Variants in RAB22A observed in about 807,000 individuals in gnomAD.
The protein encoded by RAB22A is ras-related protein Rab-22A.
RAB22A carries 13 observed loss-of-function variants against 30.2 expected under a neutral mutation model. That is an observed-to-expected ratio of 0.43 (90% CI 0.28 to 0.68). RAB22A has a LOEUF of 0.68. RAB22A is among the 30% of genes least tolerant of loss of function. The probability of loss-of-function intolerance (pLI) is 0.18; values close to 1 mark genes in which losing one functional copy is unlikely to be tolerated. For synonymous variants in RAB22A, 89 were observed against 87.2 expected (o/e 1.02, Z -0.11); for missense variants, 177 against 246.8 (o/e 0.72, Z 1.89).
chr20:58,327,223 G>C (rs923153544), intron 2 of RAB22A, among the ~76,000 whole-genome samples: 6 of 152,066 alleles, frequency 3.9e-5, no homozygotes, highest in African/African-American at 1.4e-4. Context: ...TAATATGGTG[G>C]GTTACAGTAT....
chr20:58,364,242 T>G lies in RAB22A; in HGVS notation c.*4539T>G, dbSNP rs1416541950. ...AAGAATCTTCATCTATCTCTGTTGG[T>G]CTTTCAGGATTCTCTTAGCATATAG... On this transcript the variant is annotated 3_prime_UTR_variant, in exon 7 of 7. Coordinates refer to ENST00000244040, the MANE Select transcript of RAB22A (RefSeq NM_020673.3). 6.6e-6 allele frequency: 1 copy of G among 152,396 alleles called. No individual in the cohort carries two copies. The highest frequency in any genetic ancestry group is 2.4e-5 in the African/African-American group (1 of 41,462). 9.4% of individuals were successfully genotyped at this position (152,396 alleles called of 1,614,324 possible).
intron 3 of RAB22A, chr20:58,345,291 T>C (rs1600737391): frequency 6.6e-6 from 1 of 152,130 alleles, no homozygotes; most frequent in East Asian, 1.9e-4. Context: ...CATCTCTTTT[T>C]TTCTGGAACA....
At chr20:58,328,818 C>T (rs888403631) in intron 2 of RAB22A, among the ~76,000 whole-genome samples, 1 of 151,894 alleles carries the variant, frequency 6.6e-6, no homozygotes, top group African/African-American at 2.4e-5. Flanking sequence ...AACTCTTGGG[C>T]TAAATAATTG....
rs565390256 is a variant in RAB22A at position 58,330,008 on chromosome 20, T to C, written c.117-13710T>C. Among the ~76,000 whole-genome samples the C allele has an allele frequency of 4.1e-4, 62 of 152,332 alleles. 1 individual carries two copies. The highest frequency in any genetic ancestry group is 1.3e-3 in the African/African-American group (56 of 41,578). On this transcript the variant is annotated intron_variant, in intron 2 of 6. Transcript: ENST00000244040. ...AAACATATATACAGACTTTTTTTTC[T>C]TGTCATTATTCCCTAAATGATAAAG...
intron 2 of RAB22A, among the ~76,000 whole-genome samples, chr20:58,320,312 A>C (rs1391872560): frequency 2.0e-5 from 3 of 152,154 alleles, no homozygotes; most frequent in African/African-American, 7.2e-5. Flanking sequence ...TTTCTTCTTG[A>C]GTAAGTTGGT....
At position 58,309,877 on chromosome 20, in the gene RAB22A, C is replaced by A. The variant is rs1224281150; in HGVS notation, c.-100C>A. ...CGCCTCTGCGCGGACCGGGGCTGGG[C>A]CGTGCGGCGGCAGCGGCGCCAGGGG... On this transcript the variant is annotated 5_prime_UTR_variant, in exon 1 of 7. Transcript: ENST00000244040. The A allele has an allele frequency of 2.6e-6, 3 of 1,151,556 alleles. No homozygotes were observed. Among genetic ancestry groups the A allele is most frequent in the Admixed American group, 4.3e-5 (1 of 23,432 alleles). 71.3% of individuals were successfully genotyped at this position (1,151,556 alleles called of 1,614,324 possible).
Position 58,362,478 on chromosome 20 carries a change from ACT to A in RAB22A, c.*2779_*2780del, listed in dbSNP as rs1191431470. 6.6e-6 allele frequency: 1 copy of A among 152,134 alleles called. No homozygotes were observed. Among genetic ancestry groups the A allele is most frequent in the Non-Finnish European group, 1.5e-5 (1 of 68,026 alleles). The allele number at this position is 152,134 out of a possible 1,614,324, so 9.4% of individuals were successfully genotyped here. Reference sequence around the variant, plus strand: ...TACGATACAGGGCCATTTTTTTAAAACTCTCAGGACTGAACAGAAGAGAAAAA... The same window carrying A: ...TACGATACAGGGCCATTTTTTTAAAACTCAGGACTGAACAGAAGAGAAAAA... On this transcript the variant is annotated 3_prime_UTR_variant, in exon 7 of 7. Transcript: ENST00000244040.
Position 58,354,234 on chromosome 20 carries a change from G to A in RAB22A, c.456G>A (p.Ala152=), listed in dbSNP as rs377712985. Residue 152 remains alanine (A), a synonymous_variant, in exon 6 of 7, where the codon GCG becomes GCA. Transcript: ENST00000244040. Reference sequence around the variant, plus strand: ...TTGTAGAGACCAGCGCAAAAAACGCGATAAACATAAATGAACTCTTTATAG... The same window carrying A: ...TTGTAGAGACCAGCGCAAAAAACGCAATAAACATAAATGAACTCTTTATAG... ...AIFVETSAKN[A]ININELFIEI... 6.1e-5 allele frequency: 99 copies of A among 1,613,440 alleles called. 2 individuals are homozygous for A. Among genetic ancestry groups the A allele is most frequent in the South Asian group, 3.1e-4 (28 of 91,044 alleles).
rs145295271 is a variant in RAB22A, at chr20:58,321,142, G to A, written c.116+10020G>A. 3.7e-3 allele frequency among the ~76,000 whole-genome samples: 551 copies of A among 150,566 alleles called. 4 individuals are homozygous for A. Among genetic ancestry groups the A allele is most frequent in the African/African-American group, 0.013 (530 of 40,862 alleles). On this transcript the variant is annotated intron_variant, in intron 2 of 6. Transcript: ENST00000244040. ...GAGGCGGAGGTTGCAGTGAGCCCGA[G>A]ACTGCGCCACTGCCCTCCAGCCTGG...
In RAB22A at chr20:58,359,969, G is replaced by A. The variant is rs775445995; in HGVS notation, c.*266G>A. On this transcript the variant is annotated 3_prime_UTR_variant, in exon 7 of 7. Coordinates refer to ENST00000244040, the MANE Select transcript of RAB22A (RefSeq NM_020673.3). ...CCTTGCTGAAAAGGAACATATAATT[G>A]TATGGATGGTAGGATTAAGTTGTTG... 1.5e-5 allele frequency: 3 copies of A among 200,620 alleles called. No homozygotes were observed. Among genetic ancestry groups the A allele is most frequent in the African/African-American group, 6.9e-5 (3 of 43,206 alleles). The allele number at this position is 200,620 out of a possible 1,614,324, so 12.4% of individuals were successfully genotyped here.
intron 2 of RAB22A, among the ~76,000 whole-genome samples, chr20:58,322,347 A>C (rs2122932291): frequency 6.6e-6 from 1 of 152,302 alleles, no homozygotes; most frequent in South Asian, 2.1e-4. Flanking sequence ...CTGCCTTTTA[A>C]TTATTTAGAC....
rs555545384 is a variant in RAB22A, at chr20:58,354,331, G to A, written c.487+66G>A. 1.7e-5 allele frequency: 19 copies of A among 1,119,164 alleles called. No individual in the cohort carries two copies. The African/African-American group carries it at 2.5e-4, about 15-fold the overall frequency. 69.3% of individuals were successfully genotyped at this position (1,119,164 alleles called of 1,614,324 possible). On this transcript the variant is annotated intron_variant, in intron 6 of 6. Transcript: ENST00000244040. ...CGCTTAACACAGAATGATCTTCCTG[G>A]TTAGAATTCCTGTCTTACTTAGAGC...
chr20:58,324,527 A>T (rs1452035846), intron 2 of RAB22A, among the ~76,000 whole-genome samples: 1 of 152,160 alleles, frequency 6.6e-6, no homozygotes, highest in African/African-American at 2.4e-5. Context: ...TTCTTGAGAT[A>T]GACAGTTGTC....
chr20:58,351,292 C>T (rs1987044257), intron 3 of RAB22A, among the ~76,000 whole-genome samples: 1 of 151,038 alleles, frequency 6.6e-6, no homozygotes, highest in African/African-American at 2.4e-5. Flanking sequence ...GCCAAGAACA[C>T]ACCACTGCAC....
chr20:58,321,772 T>C (rs1183515920), intron 2 of RAB22A, among the ~76,000 whole-genome samples: 1 of 152,120 alleles, frequency 6.6e-6, no homozygotes, highest in Non-Finnish European at 1.5e-5. Flanking sequence ...ATTATATGTA[T>C]GAATTATATA....
At chr20:58,329,010 G>A (rs925940096) in intron 2 of RAB22A, among the ~76,000 whole-genome samples, 3 of 151,414 alleles carry the variant, frequency 2.0e-5, no homozygotes, top group Admixed American at 6.6e-5. Flanking sequence ...TGACAAGATC[G>A]CCTCGGTATT....
chr20:58,315,561 C>CGGG (rs3838011), intron 2 of RAB22A, among the ~76,000 whole-genome samples: 3 of 151,864 alleles, frequency 2.0e-5, no homozygotes, highest in Non-Finnish European at 2.9e-5. Flanking sequence ...GAGGTTGGGG[C>CGGG]GGGGGGTCAT....
intron 2 of RAB22A, among the ~76,000 whole-genome samples, chr20:58,322,134 G>A (rs941567201): frequency 1.8e-4 from 27 of 152,152 alleles, no homozygotes; most frequent in Non-Finnish European, 4.4e-5. Context: ...TTTTACAAAC[G>A]TCATGAAATG....
intron 2 of RAB22A, among the ~76,000 whole-genome samples, chr20:58,311,999 A>T (rs555346627): frequency 6.6e-6 from 1 of 152,174 alleles, no homozygotes; most frequent in African/African-American, 2.4e-5. Flanking sequence ...CTTTTTGCCC[A>T]GGCTGCGGTG....
Sources: gnomAD v4.1 joint callset for allele counts (sites outside exome capture counted in the v4.1 genomes callset) on GRCh38, gnomAD v4.1.1 for gene constraint, MANE v1.5 for transcripts, NCBI Gene and HGNC (gene_info 2026-07-23, HGNC 2026-07-21) for gene names.